EMC7: variants seen among roughly 807,000 people sequenced by gnomAD.
EMC7 encodes the protein endoplasmic reticulum membrane protein complex subunit 7.
In EMC7, 4 loss-of-function variants were observed where a neutral mutation model predicts 24.4. That is an observed-to-expected ratio of 0.16 (90% CI 0.08 to 0.38). EMC7 has a LOEUF of 0.38. EMC7 is among the 10% of genes least tolerant of loss of function. The pLI, the probability that EMC7 is intolerant of heterozygous loss-of-function variation, is 1.00. For synonymous variants in EMC7, 106 were observed against 112.0 expected (o/e 0.95, Z 0.34); for missense variants, 221 against 300.6 (o/e 0.74, Z 1.96).
Position 34,094,870 on chromosome 15 carries a change from G to A in EMC7, c.356+1025C>T, listed in dbSNP as rs80290379. On this transcript the variant is annotated intron_variant, in intron 2 of 4. Coordinates refer to ENST00000256545, the MANE Select transcript of EMC7 (RefSeq NM_020154.3). The stretch of plus-strand genomic sequence containing the variant: ...GATAAAGGATGGGACAACTCCATGT[G>A]TGACTCATTCTATTTGAATTATGGC... Among the ~76,000 whole-genome samples, 142 of 152,272 alleles carry A rather than the reference G, an allele frequency of 9.3e-4. 3 individuals carry two copies. In the East Asian group the frequency reaches 0.025, roughly 27 times the overall value.
chr15:34,084,269 T>C lies in EMC7; in HGVS notation c.*65A>G, dbSNP rs964461483. 88 of 1,556,046 alleles carry C rather than the reference T, an allele frequency of 5.7e-5. No individual in the cohort carries two copies. Among genetic ancestry groups the C allele is most frequent in the Non-Finnish European group, 7.2e-5 (82 of 1,146,746 alleles). On this transcript the variant is annotated 3_prime_UTR_variant, in exon 5 of 5. Coordinates refer to ENST00000256545, the MANE Select transcript of EMC7 (RefSeq NM_020154.3). Reference sequence around the variant, plus strand: ...TTTATAGTAGTTGCTTCACACGGTTTTCCAAGACTTGGATGCCACCCAGTG... The same window carrying C: ...TTTATAGTAGTTGCTTCACACGGTTCTCCAAGACTTGGATGCCACCCAGTG...
rs1901084063 is a variant in EMC7 at position 34,097,048 on chromosome 15, T to TTTTTTTTTTTTTTTTA, written c.237-1035_237-1034insTAAAAAAAAAAAAAAA. ...GTTTTCTGTTCTTCTTCTTTTTTTT[T>TTTTTTTTTTTTTTTTA]TTTGAGACGGAGTCTCACTCTGTTG... On this transcript the variant is annotated intron_variant, in intron 1 of 4. Coordinates refer to ENST00000256545, the MANE Select transcript of EMC7 (RefSeq NM_020154.3). Among the ~76,000 whole-genome samples, 4 of 143,576 alleles carry TTTTTTTTTTTTTTTTA rather than the reference T, an allele frequency of 2.8e-5. No homozygotes were observed. The South Asian group carries it at 9.0e-4, about 32-fold the overall frequency. The allele number at this position is 143,576 out of a possible 152,430, so 94.2% of individuals were successfully genotyped here.
intron 1 of EMC7, among the ~76,000 whole-genome samples, chr15:34,098,322 A>G (rs559354917): frequency 9.9e-5 from 15 of 152,276 alleles, no homozygotes; most frequent in Admixed American, 8.5e-4. Context: ...GCTCCAGGGT[A>G]CTGCACAATC....
intron 2 of EMC7, among the ~76,000 whole-genome samples, chr15:34,092,537 T>C (rs372835259): frequency 3.3e-5 from 5 of 152,034 alleles, no homozygotes; most frequent in Non-Finnish European, 7.4e-5. Flanking sequence ...TTAGTAGAGA[T>C]GGGGTTCATC....
rs1900923374 is a variant in EMC7, at chr15:34,088,329, T to C, written c.496-196A>G. 3.3e-5 allele frequency among the ~76,000 whole-genome samples: 5 copies of C among 152,216 alleles called. No individual in the cohort carries two copies. The South Asian group carries it at 6.2e-4, about 19-fold the overall frequency. ...CTGTCTGTCTGACTATGGTGGACTA[T>C]TATAGAATATTAAAGTTTTCTGTAT... On this transcript the variant is annotated intron_variant, in intron 3 of 4. Coordinates refer to ENST00000256545, the MANE Select transcript of EMC7 (RefSeq NM_020154.3).
At chr15:34,097,132 C>A (rs534702113) in intron 1 of EMC7, among the ~76,000 whole-genome samples, 8 of 150,740 alleles carry the variant, frequency 5.3e-5, no homozygotes, top group African/African-American at 1.9e-4. Context: ...CTCCTGCGTT[C>A]ACGCCATTCT....
At chr15:34,098,822 T>C (rs1901129378) in intron 1 of EMC7, among the ~76,000 whole-genome samples, 1 of 151,792 alleles carries the variant, frequency 6.6e-6, no homozygotes, top group Admixed American at 6.6e-5. Context: ...AACAAACTGA[T>C]GACAGTGGAA....
intron 2 of EMC7, among the ~76,000 whole-genome samples, chr15:34,093,806 C>CACACACATATATATATATAT (rs61440619): frequency 1.7e-4 from 5 of 30,246 alleles, no homozygotes; most frequent in Non-Finnish European, 3.9e-4. Context: ...CACACACACA[C>CACACACATATATATATATAT]ATATATATAT....
chr15:34,099,949 T>A (rs925898671), intron 1 of EMC7, among the ~76,000 whole-genome samples: 11 of 152,198 alleles, frequency 7.2e-5, no homozygotes, highest in African/African-American at 2.7e-4. Flanking sequence ...TGAAATGGTA[T>A]CAAAAGCTGT....
At chr15:34,088,596 G>C (rs1418584422) in intron 3 of EMC7, among the ~76,000 whole-genome samples, 2 of 151,350 alleles carry the variant, frequency 1.3e-5, no homozygotes, top group African/African-American at 4.9e-5. Flanking sequence ...TTTGAAAAAT[G>C]ACCTAGAAGC....
rs770555284 is a variant in EMC7 at position 34,090,272 on chromosome 15, C to A, written c.495+45G>T. On this transcript the variant is annotated intron_variant, in intron 3 of 4. Transcript: ENST00000256545. ...GTTTGAAGTTTCCACTGCCTAGAAG[C>A]AAATTAGGTATTAGTAAAGTGCTTT... 8 of 1,568,904 alleles carry A rather than the reference C, an allele frequency of 5.1e-6. No homozygotes were observed. In the Admixed American group the frequency reaches 1.2e-4, roughly 23 times the overall value.
intron 1 of EMC7, among the ~76,000 whole-genome samples, chr15:34,096,414 A>G (rs1304841923): frequency 4.0e-5 from 6 of 151,522 alleles, no homozygotes; most frequent in Non-Finnish European, 1.5e-5. Context: ...CGGGTAATCC[A>G]CCCGTCTCAG....
At chr15:34,097,630 C>T (rs76734827) in intron 1 of EMC7, among the ~76,000 whole-genome samples, 145 of 152,136 alleles carry the variant, frequency 9.5e-4, no homozygotes, top group Non-Finnish European at 1.9e-3. Flanking sequence ...TCTAAAATGA[C>T]CAACTGTATC....
chr15:34,096,418 G>A (rs887905713), intron 1 of EMC7, among the ~76,000 whole-genome samples: 7 of 152,032 alleles, frequency 4.6e-5, no homozygotes, highest in Non-Finnish European at 2.9e-5. Flanking sequence ...TAATCCACCC[G>A]TCTCAGCCTC....
intron 2 of EMC7, among the ~76,000 whole-genome samples, chr15:34,093,823 A>ATATATTTTTTTT (rs1190830993): frequency 2.3e-4 from 11 of 48,686 alleles, no homozygotes; most frequent in East Asian, 7.5e-4. Context: ...ATATATATAT[A>ATATATTTTTTTT]TTTTTTTTTT....
chr15:34,090,024 A>C lies in EMC7; in HGVS notation c.495+293T>G, dbSNP rs561587068. The stretch of plus-strand genomic sequence containing the variant: ...TATGAAGAATGAGACAGCTCCAGGT[A>C]TGACTGACTTACTGAGTATTCTTAT... On this transcript the variant is annotated intron_variant, in intron 3 of 4. Transcript: ENST00000256545. Among the ~76,000 whole-genome samples, 223 of 152,352 alleles carry C rather than the reference A, an allele frequency of 1.5e-3. 1 individual carries two copies. The highest frequency in any genetic ancestry group is 4.9e-3 in the African/African-American group (205 of 41,590).
At position 34,084,295 on chromosome 15, in the gene EMC7, T is replaced by C. The variant is rs761905243; in HGVS notation, c.*39A>G. The C allele has an allele frequency of 6.3e-7, 1 of 1,591,766 alleles. No individual in the cohort carries two copies. Among genetic ancestry groups the C allele is most frequent in the South Asian group, 1.1e-5 (1 of 89,112 alleles). ...TCCAAGACTTGGATGCCACCCAGTG[T>C]TGCCGTGTTTGTGCAAATGCCAGCT... On this transcript the variant is annotated 3_prime_UTR_variant, in exon 5 of 5. Transcript: ENST00000256545.
intron 3 of EMC7, 104 bp downstream of exon 3, chr15:34,090,213 C>T: frequency 1.7e-6 from 2 of 1,172,804 alleles, no homozygotes; most frequent in East Asian, 2.5e-5. Context: ...TCCTTTCATC[C>T]ACCAATCTGA....
At chr15:34,099,478 C>T (rs78912854) in intron 1 of EMC7, among the ~76,000 whole-genome samples, 1 of 152,278 alleles carries the variant, frequency 6.6e-6, no homozygotes, top group African/African-American at 2.4e-5. Context: ...AGTCCTAAGC[C>T]ACCTCCAATA....
Sources: allele counts gnomAD v4.1 joint callset (sites outside exome capture counted in the v4.1 genomes callset), GRCh38; gene constraint gnomAD v4.1.1; transcripts MANE v1.5; gene names NCBI Gene and HGNC (gene_info 2026-07-23, HGNC 2026-07-21).